RBFOX3: variants seen among roughly 807,000 people sequenced by gnomAD.
RBFOX3 encodes the protein RNA binding protein fox-1 homolog 3.
Under a neutral mutation model 48.7 loss-of-function variants are expected in RBFOX3, and 17 were observed. The ratio of observed to expected loss-of-function variants is 0.35; its 90% CI spans 0.24 to 0.52. The LOEUF (loss-of-function observed/expected upper bound fraction) is 0.52. RBFOX3 is among the 20% of genes least tolerant of loss of function. RBFOX3 has a pLI of 0.94. For synonymous variants in RBFOX3, 212 were observed against 209.5 expected (o/e 1.01, Z -0.10); for missense variants, 382 against 497.5 (o/e 0.77, Z 2.21).
intron 3 of RBFOX3, 135 bp from the exon 4 acceptor site, chr17:79,235,940 A>G (rs1041848129): frequency 1.3e-5 from 2 of 153,096 alleles, no homozygotes; most frequent in African/African-American, 4.8e-5. Context: ...TGGGAGTCCA[A>G]GGAAACCTGC....
At position 79,329,666 on chromosome 17, in the gene RBFOX3, GC is replaced by G. The variant is rs1161502769; in HGVS notation, c.-174-21843del. Reference sequence around the variant, plus strand: ...CCTGCAAAGTCTAGGGAAGCTGTAGGCCCCCCACCCCGGCCTAATGGCCAGC... The same window carrying G: ...CCTGCAAAGTCTAGGGAAGCTGTAGGCCCCCACCCCGGCCTAATGGCCAGC... On this transcript the variant is annotated intron_variant, in intron 2 of 14. Coordinates refer to ENST00000693108, the MANE Select transcript of RBFOX3 (RefSeq NM_001350451.2). Among the ~76,000 whole-genome samples the G allele has an allele frequency of 2.0e-5, 3 of 152,038 alleles. No individual in the cohort carries two copies. The East Asian group carries it at 5.8e-4, about 29-fold the overall frequency.
At chr17:79,445,153 C>T (rs62061678) in intron 2 of RBFOX3, among the ~76,000 whole-genome samples, 5,407 of 152,252 alleles carry the variant, frequency 0.036, 121 homozygotes, top group Non-Finnish European at 0.052. Flanking sequence ...TTTCATCAGT[C>T]GATAGACATT....
intron 4 of RBFOX3, among the ~76,000 whole-genome samples, chr17:79,222,811 G>T (rs1304589320): frequency 6.6e-6 from 1 of 152,226 alleles, no homozygotes; most frequent in Non-Finnish European, 1.5e-5. Flanking sequence ...CCAAATGCTG[G>T]CTGTGGGGCT....
intron 3 of RBFOX3, among the ~76,000 whole-genome samples, chr17:79,253,030 G>A (rs1159002285): frequency 2.0e-5 from 3 of 152,168 alleles, no homozygotes; most frequent in Non-Finnish European, 2.9e-5. Context: ...CTGACCCTGC[G>A]GGGTGGTGCT....
chr17:79,590,887 C>T (rs2093397135), intron 1 of RBFOX3, among the ~76,000 whole-genome samples: 1 of 152,174 alleles, frequency 6.6e-6, no homozygotes, highest in Non-Finnish European at 1.5e-5. Flanking sequence ...GACCCCACCC[C>T]AAATCTCAAA....
At position 79,103,649 on chromosome 17, in the gene RBFOX3, C is replaced by T. The variant is rs2076852051; in HGVS notation, c.415-395G>A. Among the ~76,000 whole-genome samples the T allele has an allele frequency of 6.6e-6, 1 of 152,126 alleles. No homozygotes were observed. The highest frequency in any genetic ancestry group is 2.4e-5 in the African/African-American group (1 of 41,428). ...TCAGGACCTGCAGGGGCAGCCCACCCATCTCCACCCTCGGAGCCCAGGGTA... is the reference window on the plus strand; with the variant it reads ...TCAGGACCTGCAGGGGCAGCCCACCTATCTCCACCCTCGGAGCCCAGGGTA... On this transcript the variant is annotated intron_variant, in intron 7 of 14. Transcript: ENST00000693108. The surrounding 1 kb of genome is among the most constrained non-coding windows in gnomAD (Gnocchi z 6.1).
Position 79,311,588 on chromosome 17 carries a change from A to AATCAATCAATCAATC in RBFOX3, c.-174-3779_-174-3765dup, listed in dbSNP as rs1322305532. Among the ~76,000 whole-genome samples, 5 of 152,110 alleles carry AATCAATCAATCAATC rather than the reference A, an allele frequency of 3.3e-5. No individual in the cohort carries two copies. Among genetic ancestry groups the AATCAATCAATCAATC allele is most frequent in the African/African-American group, 1.2e-4 (5 of 41,412 alleles). Reference sequence around the variant, plus strand: ...CTGTCCTATCTGTCAATCAATCAATAATCAATCAATCAATCATCTACCTAC... The same window carrying AATCAATCAATCAATC: ...CTGTCCTATCTGTCAATCAATCAATAATCAATCAATCAATCATCAATCAATCAATCATCTACCTAC... On this transcript the variant is annotated intron_variant, in intron 2 of 14. Coordinates refer to ENST00000693108, the MANE Select transcript of RBFOX3 (RefSeq NM_001350451.2). This position sits in a 1 kb window ranked among gnomAD's most constrained non-coding sequence, Gnocchi z 4.2.
chr17:79,205,841 T>G lies in RBFOX3; in HGVS notation c.-34+29925A>C, dbSNP rs927160819. 5.3e-5 allele frequency among the ~76,000 whole-genome samples: 4 copies of G among 75,840 alleles called. No homozygotes were observed. The highest frequency in any genetic ancestry group is 1.8e-4 in the African/African-American group (4 of 21,850). The allele number at this position is 75,840 out of a possible 152,430, so 49.8% of individuals were successfully genotyped here. A position where few individuals can be genotyped will look rare whatever the true frequency, so the allele number is the denominator to read the frequency against. The stretch of plus-strand genomic sequence containing the variant: ...ATAAAGAGTCAAAAGCAGTTGGCTT[T>G]TTTTTTTTTTTTCCTTAAAGTAGTT... On this transcript the variant is annotated intron_variant, in intron 4 of 14. Transcript: ENST00000693108. This position sits in a 1 kb window ranked among gnomAD's most constrained non-coding sequence, Gnocchi z 4.5.
chr17:79,484,163 A>G (rs982200256), intron 1 of RBFOX3, among the ~76,000 whole-genome samples: 19 of 152,208 alleles, frequency 1.2e-4, no homozygotes, highest in African/African-American at 3.9e-4. Context: ...CAGAAATTTC[A>G]CAACGGAGTT....
At chr17:79,276,277 G>A (rs772941653) in intron 3 of RBFOX3, among the ~76,000 whole-genome samples, 28 of 152,142 alleles carry the variant, frequency 1.8e-4, no homozygotes, top group Non-Finnish European at 3.7e-4. Context: ...ATTCTAGACC[G>A]GATTATGGTG....
At chr17:79,611,165 T>TCG (rs2093963471), upstream of RBFOX3, among the ~76,000 whole-genome samples, 20 of 34,666 alleles carry the variant, frequency 5.8e-4, 6 homozygotes, top group Non-Finnish European at 7.5e-4. Flanking sequence ...TCTCTCTCTC[T>TCG]CTCTCTCTCC....
chr17:79,640,511 G>C, the RBFOX3 span, among the ~76,000 whole-genome samples: 1 of 151,992 alleles, frequency 6.6e-6, no homozygotes, highest in Non-Finnish European at 1.5e-5. Context: ...AAGCAATTTT[G>C]AACAAGAACA....
chr17:79,377,263 GCATA>G (rs2059329224), intron 2 of RBFOX3, among the ~76,000 whole-genome samples: 1 of 152,060 alleles, frequency 6.6e-6, no homozygotes, highest in African/African-American at 2.4e-5. Context: ...GACCACAGAT[GCATA>G]CAGACATAAT....
chr17:79,217,174 C>T (rs1448835911), intron 4 of RBFOX3, among the ~76,000 whole-genome samples: 1 of 152,234 alleles, frequency 6.6e-6, no homozygotes, highest in Non-Finnish European at 1.5e-5. Flanking sequence ...AAGGCCAGGC[C>T]CCTTGGCTCT....
chr17:79,180,957 C>G (rs1212220743), intron 4 of RBFOX3, among the ~76,000 whole-genome samples: 1 of 152,190 alleles, frequency 6.6e-6, no homozygotes, highest in Non-Finnish European at 1.5e-5. Context: ...TGCCACAAGT[C>G]AGGGATGCAT....
At chr17:79,543,382 G>GCA (rs1421900929) in intron 1 of RBFOX3, among the ~76,000 whole-genome samples, 18 of 152,252 alleles carry the variant, frequency 1.2e-4, no homozygotes, top group Non-Finnish European at 1.9e-4. Flanking sequence ...CATCAGTGGT[G>GCA]CACAGTGAAA....
chr17:79,335,339 G>A (rs1287294129), intron 2 of RBFOX3, among the ~76,000 whole-genome samples: 1 of 152,220 alleles, frequency 6.6e-6, no homozygotes, highest in Non-Finnish European at 1.5e-5. Flanking sequence ...ACCCTTGTGA[G>A]GGCTGAGAAA....
At chr17:79,333,537 G>A (rs764969506) in intron 2 of RBFOX3, among the ~76,000 whole-genome samples, 18 of 152,250 alleles carry the variant, frequency 1.2e-4, no homozygotes, top group African/African-American at 1.4e-4. Context: ...TGAAAACCTC[G>A]CTCAGAGCCA....
the RBFOX3 span, among the ~76,000 whole-genome samples, chr17:79,655,445 G>GT: frequency 1.3e-5 from 2 of 152,200 alleles, no homozygotes; most frequent in African/African-American, 4.8e-5. Flanking sequence ...CTCAACCAAT[G>GT]TAAGCTGTGA....
Sources: gnomAD v4.1 joint callset for allele counts (sites outside exome capture counted in the v4.1 genomes callset) on GRCh38, gnomAD v4.1.1 for gene constraint, Gnocchi (gnomAD v3.1) non-coding constraint, MANE v1.5 for transcripts, NCBI Gene and HGNC (gene_info 2026-07-23, HGNC 2026-07-21) for gene names.